The following SGCZ variants were observed in gnomAD, a reference collection of about 807,000 sequenced individuals.
SGCZ encodes zeta-sarcoglycan.
A neutral mutation model predicts 41.3 loss-of-function variants in SGCZ; 40 were observed. That is an observed-to-expected ratio of 0.97 (90% confidence interval 0.75 to 1.26). SGCZ has a LOEUF of 1.26. Ranked by LOEUF, SGCZ falls within the 50% of genes most tolerant of loss-of-function variation. The pLI is 0.00. For synonymous variants in SGCZ, 206 were observed against 137.5 expected, an observed-to-expected ratio of 1.50 and a Z score of -3.49; for missense variants, 552 against 369.8, an observed-to-expected ratio of 1.49 and a Z score of -4.04.
chr8:14,479,938 T>C (rs1385814530), intron 2 of SGCZ, among the ~76,000 whole-genome samples: 1 of 151,958 alleles, frequency 6.6e-6, no homozygotes, highest in Non-Finnish European at 1.5e-5. Context: ...AAAGATAGAG[T>C]TTCACCATGT....
Position 14,689,598 on chromosome 8 carries a change from T to A in SGCZ, c.40-134672A>T, listed in dbSNP as rs535965618. ...TAAATTCTAGATTTAGTGAATTATATTATACACAAAAGTACACCTCCTTAC... is the reference window on the plus strand; with the variant it reads ...TAAATTCTAGATTTAGTGAATTATAATATACACAAAAGTACACCTCCTTAC... On this transcript the variant is annotated intron_variant, in intron 1 of 7. Transcript: ENST00000382080. Among the ~76,000 whole-genome samples the A allele has an allele frequency of 2.0e-5, 3 of 152,296 alleles. No homozygotes were observed. In the South Asian group the frequency reaches 6.2e-4, roughly 32 times the overall value.
intron 1 of SGCZ, among the ~76,000 whole-genome samples, chr8:14,666,760 A>G (rs923945159): frequency 1.3e-5 from 2 of 151,932 alleles, no homozygotes; most frequent in African/African-American, 4.8e-5. Context: ...GCCACATTTA[A>G]TTATTATTTT....
chr8:14,277,899 G>A (rs1418007532), intron 3 of SGCZ, among the ~76,000 whole-genome samples: 1 of 151,930 alleles, frequency 6.6e-6, no homozygotes, highest in Non-Finnish European at 1.5e-5. Context: ...ACCAGAGAGA[G>A]AGAAAAAGAA....
chr8:15,124,124 C>T (rs1004813444), intron 1 of SGCZ, among the ~76,000 whole-genome samples: 12 of 152,002 alleles, frequency 7.9e-5, no homozygotes, highest in South Asian at 2.1e-4. Flanking sequence ...TGTGATGTGG[C>T]GAATGAATGA....
intron 2 of SGCZ, among the ~76,000 whole-genome samples, chr8:14,403,004 C>T (rs1426772540): frequency 2.0e-5 from 3 of 149,822 alleles, no homozygotes; most frequent in South Asian, 2.1e-4. Context: ...AGGTCCTTCA[C>T]ATCCCTTGTA....
At chr8:15,067,276 C>T (rs181236431) in intron 1 of SGCZ, among the ~76,000 whole-genome samples, 6 of 152,312 alleles carry the variant, frequency 3.9e-5, no homozygotes, top group Middle Eastern at 3.4e-3. Context: ...ACTGTACTCA[C>T]AGTGGTTACT....
At chr8:14,782,837 G>A (rs905315745) in intron 1 of SGCZ, among the ~76,000 whole-genome samples, 2 of 152,168 alleles carry the variant, frequency 1.3e-5, no homozygotes, top group Non-Finnish European at 2.9e-5. Context: ...AGATCTCAGA[G>A]TTATGCCATT....
intron 3 of SGCZ, among the ~76,000 whole-genome samples, chr8:14,249,653 G>C (rs527237173): frequency 9.2e-5 from 14 of 152,182 alleles, no homozygotes; most frequent in African/African-American, 3.1e-4. Flanking sequence ...AGAAATATTA[G>C]AGATAATCTA....
chr8:15,023,605 C>A (rs1381414737), intron 1 of SGCZ, among the ~76,000 whole-genome samples: 1 of 152,088 alleles, frequency 6.6e-6, no homozygotes, highest in East Asian at 1.9e-4. Context: ...ATTCAGAAAG[C>A]TTTATAGAAA....
At chr8:15,221,130 T>A (rs966105247) in intron 1 of SGCZ, among the ~76,000 whole-genome samples, 1 of 152,182 alleles carries the variant, frequency 6.6e-6, no homozygotes, top group African/African-American at 2.4e-5. Flanking sequence ...AACTGCATGT[T>A]GTTCACTTGT....
intron 1 of SGCZ, among the ~76,000 whole-genome samples, chr8:14,724,501 C>T (rs2250542): frequency 0.29 from 43,407 of 151,390 alleles, 7,651 homozygotes; most frequent in Non-Finnish European, 0.4. Flanking sequence ...ATAAAATAGA[C>T]ATGAAATTCA....
At chr8:14,526,317 A>G (rs917199021) in intron 2 of SGCZ, among the ~76,000 whole-genome samples, 7 of 152,118 alleles carry the variant, frequency 4.6e-5, no homozygotes, top group African/African-American at 1.7e-4. Flanking sequence ...GTATATGGCA[A>G]AATTTCACTA....
intron 1 of SGCZ, 131 bp downstream of exon 1, chr8:15,237,454 C>T (rs1044758760): frequency 2.2e-5 from 24 of 1,082,542 alleles, no homozygotes; most frequent in Admixed American, 8.7e-5. Flanking sequence ...GGGTGCGCGT[C>T]CCCCCAACGC....
intron 2 of SGCZ, among the ~76,000 whole-genome samples, chr8:14,540,893 C>G (rs911375035): frequency 6.6e-6 from 1 of 151,430 alleles, no homozygotes; most frequent in Non-Finnish European, 1.5e-5. Context: ...TTATATTTGC[C>G]TTAACTGTTC....
intron 1 of SGCZ, among the ~76,000 whole-genome samples, chr8:14,620,842 G>T (rs1383295650): frequency 6.6e-6 from 1 of 152,178 alleles, no homozygotes; most frequent in Non-Finnish European, 1.5e-5. Flanking sequence ...CTGTTGGTGG[G>T]ACTGTAAACT....
chr8:14,404,863 G>A (rs1485084956), intron 2 of SGCZ, among the ~76,000 whole-genome samples: 1 of 152,228 alleles, frequency 6.6e-6, no homozygotes, highest in East Asian at 1.9e-4. Flanking sequence ...AGGCACTCAA[G>A]TGAGACTGGG....
chr8:15,072,505 G>A (rs1047469267), intron 1 of SGCZ, among the ~76,000 whole-genome samples: 6 of 152,124 alleles, frequency 3.9e-5, no homozygotes, highest in African/African-American at 7.2e-5. Context: ...TAAATATAAA[G>A]CCCATCAACC....
chr8:14,676,564 C>T (rs1324451100), intron 1 of SGCZ, among the ~76,000 whole-genome samples: 1 of 152,086 alleles, frequency 6.6e-6, no homozygotes, highest in Non-Finnish European at 1.5e-5. Flanking sequence ...AACTGCCTCA[C>T]AGGAAAATAG....
At chr8:14,799,008 A>C (rs1027972547) in intron 1 of SGCZ, among the ~76,000 whole-genome samples, 1 of 151,920 alleles carries the variant, frequency 6.6e-6, no homozygotes, top group African/African-American at 2.4e-5. Flanking sequence ...GATTCTAAAA[A>C]AGCAAAAGTA....
Sources: allele counts gnomAD v4.1 joint callset (sites outside exome capture counted in the v4.1 genomes callset), GRCh38; gene constraint gnomAD v4.1.1; transcripts MANE v1.5; gene names NCBI Gene and HGNC (gene_info 2026-07-23, HGNC 2026-07-21).